The following AVEN variants were observed in gnomAD, a reference collection of about 807,000 sequenced individuals.
The protein encoded by AVEN is cell death regulator Aven.
AVEN carries 41 observed loss-of-function variants against 38.1 expected under a neutral mutation model. The observed-to-expected ratio is 1.08, with a 90% confidence interval of 0.84 to 1.40. The LOEUF (loss-of-function observed/expected upper bound fraction) is 1.40, where lower values mean the gene tolerates loss of function less well. AVEN is among the 40% of genes most tolerant of loss of function. The pLI is 0.00. For synonymous variants in AVEN, 206 were observed against 171.8 expected (o/e 1.20, Z -1.56); for missense variants, 605 against 438.8 (o/e 1.38, Z -3.38).
At chr15:33,920,128 A>G (rs1893336235) in intron 2 of AVEN, among the ~76,000 whole-genome samples, 1 of 152,138 alleles carries the variant, frequency 6.6e-6, no homozygotes, top group Non-Finnish European at 1.5e-5. Flanking sequence ...CTTCTTCTAT[A>G]TGCAACAGGG....
At position 34,073,986 on chromosome 15, in the gene AVEN, C is replaced by CTTTTTTTTT. The variant is rs1381411256; in HGVS notation, n.720+449_720+450insAAAAAAAAA. Among the ~76,000 whole-genome samples, 384 of 112,172 alleles carry CTTTTTTTTT rather than the reference C, an allele frequency of 3.4e-3. 84 individuals carry two copies. Among genetic ancestry groups the CTTTTTTTTT allele is most frequent in the African/African-American group, 0.015 (355 of 24,256 alleles). The allele number at this position is 112,172 out of a possible 152,430, so 73.6% of individuals were successfully genotyped here. On this transcript the variant is annotated intron_variant and non_coding_transcript_variant, in intron 1 of 11. Coordinates refer to the AVEN transcript ENST00000675287. ...TGGAGGAACTTTCTTTTTTCTTCTT[C>CTTTTTTTTT]TTCTTTTTTTTTTTTTTTTTTTTTT...
At chr15:33,917,170 A>C (rs1258565725) in intron 2 of AVEN, among the ~76,000 whole-genome samples, 1 of 152,086 alleles carries the variant, frequency 6.6e-6, no homozygotes, top group Non-Finnish European at 1.5e-5. Context: ...GAGATTCCTT[A>C]AAGAACTCAA....
At chr15:34,055,319 TA>T (rs772965483) in intron 5 of AVEN, among the ~76,000 whole-genome samples, 1 of 150,762 alleles carries the variant, frequency 6.6e-6, no homozygotes, top group Non-Finnish European at 1.5e-5. Flanking sequence ...CCAACATGAT[TA>T]AACCCCATCT....
chr15:33,964,995 A>G (rs1450164161), intron 2 of AVEN, among the ~76,000 whole-genome samples: 2 of 152,170 alleles, frequency 1.3e-5, no homozygotes, highest in Admixed American at 6.5e-5. Flanking sequence ...CAACATCTTA[A>G]TAACAGGGTA....
chr15:34,013,707 G>A (rs1358118984), intron 1 of AVEN, among the ~76,000 whole-genome samples: 1 of 152,192 alleles, frequency 6.6e-6, no homozygotes, highest in Non-Finnish European at 1.5e-5. Flanking sequence ...TTCACAAGAT[G>A]TTACGGAAGC....
chr15:34,059,781 G>A (rs1238177514), intron 5 of AVEN, among the ~76,000 whole-genome samples: 1 of 152,186 alleles, frequency 6.6e-6, no homozygotes, highest in African/African-American at 2.4e-5. Flanking sequence ...TCCTCAGGAA[G>A]TGCTTCCCAT....
At chr15:33,903,422 G>C (rs951698642) in intron 2 of AVEN, among the ~76,000 whole-genome samples, 4 of 152,210 alleles carry the variant, frequency 2.6e-5, no homozygotes, top group African/African-American at 9.6e-5. Context: ...GGCGCTCCCA[G>C]AGAGGTTGTA....
At chr15:33,987,952 A>C (rs1282228497) in intron 2 of AVEN, among the ~76,000 whole-genome samples, 2 of 152,196 alleles carry the variant, frequency 1.3e-5, no homozygotes, top group Non-Finnish European at 2.9e-5. Flanking sequence ...GTGACTGTCT[A>C]CACAAGGAGG....
intron 2 of AVEN, among the ~76,000 whole-genome samples, chr15:33,952,058 T>A (rs1297163986): frequency 1.3e-5 from 2 of 152,180 alleles, no homozygotes; most frequent in African/African-American, 4.8e-5. Flanking sequence ...ATGTATAGAT[T>A]ATTCAGGGTT....
At chr15:33,885,771 T>G (rs978150374) in intron 2 of AVEN, 1 of 152,188 alleles carries the variant, frequency 6.6e-6, no homozygotes, top group Non-Finnish European at 1.5e-5. Context: ...CTAAGGTACC[T>G]TAAAGGGATT....
intron 4 of AVEN, chr15:34,064,330 C>T (rs1173030520): frequency 6.2e-7 from 1 of 1,600,262 alleles, no homozygotes; most frequent in South Asian, 1.1e-5. Context: ...GTCAACAACT[C>T]CTCTCGAAAG....
At chr15:33,883,926 C>T (rs1380047548) in intron 2 of AVEN, among the ~76,000 whole-genome samples, 1 of 152,166 alleles carries the variant, frequency 6.6e-6, no homozygotes, top group African/African-American at 2.4e-5. Flanking sequence ...CTGTGAAGAA[C>T]CTTAGCTCTA....
At chr15:33,932,834 C>CAAAT (rs368767063) in intron 2 of AVEN, among the ~76,000 whole-genome samples, 5,821 of 139,854 alleles carry the variant, frequency 0.042, 179 homozygotes, top group African/African-American at 0.094. Context: ...ACAAAATAAA[C>CAAAT]AAACAAATAA....
intron 1 of AVEN, among the ~76,000 whole-genome samples, chr15:34,012,696 T>C (rs1019938309): frequency 3.3e-5 from 5 of 152,252 alleles, no homozygotes; most frequent in African/African-American, 1.2e-4. Context: ...ATAGCTGTCT[T>C]CTGGCCCACT....
chr15:33,892,409 T>C (rs1413556148), intron 2 of AVEN, among the ~76,000 whole-genome samples: 1 of 152,164 alleles, frequency 6.6e-6, no homozygotes, highest in African/African-American at 2.4e-5. Context: ...CTGTATAAAG[T>C]GTAAGGAAGG....
intron 1 of AVEN, chr15:34,007,097 T>C (rs533065294): frequency 4.1e-6 from 4 of 979,664 alleles, no homozygotes; most frequent in Non-Finnish European, 4.8e-6. Flanking sequence ...GGAATCCATT[T>C]AGATTAATAA....
At position 33,866,730 on chromosome 15, in the gene AVEN, T is replaced by TGGG. The variant is rs759342559; in HGVS notation, c.974-5_974-3dup. 5 of 1,606,988 alleles carry TGGG rather than the reference T, an allele frequency of 3.1e-6. No individual in the cohort carries two copies. In the African/African-American group the frequency reaches 6.7e-5, roughly 22 times the overall value. Reference sequence around the variant, plus strand: ...CAGTCACAGATGGTTTTGCACAAACTGGGGGAAAAAAAACAATGTTAACAC... The same window carrying TGGG: ...CAGTCACAGATGGTTTTGCACAAACTGGGGGGGGAAAAAAAACAATGTTAACAC... On this transcript the variant is annotated splice_region_variant and splice_polypyrimidine_tract_variant and intron_variant, in intron 5 of 5. Coordinates refer to ENST00000306730, the MANE Select transcript of AVEN (RefSeq NM_020371.3).
intron 2 of AVEN, among the ~76,000 whole-genome samples, chr15:33,964,340 G>C (rs1349825296): frequency 6.6e-6 from 1 of 152,038 alleles, no homozygotes; most frequent in African/African-American, 2.4e-5. Context: ...TGACAAATTA[G>C]GAAAGAGCCA....
downstream of AVEN, chr15:33,854,571 T>C (rs1481195506): frequency 8.5e-6 from 9 of 1,055,486 alleles, no homozygotes; most frequent in African/African-American, 8.1e-5. Context: ...AAGAGCCTTA[T>C]ACGTGCTGGG....
Sources: allele counts gnomAD v4.1 joint callset (sites outside exome capture counted in the v4.1 genomes callset), GRCh38; gene constraint gnomAD v4.1.1; transcripts MANE v1.5; gene names NCBI Gene and HGNC (gene_info 2026-07-23, HGNC 2026-07-21).